L3MBTL4: variants seen among roughly 807,000 people sequenced by gnomAD.
L3MBTL4 encodes the protein L3MBTL histone methyl-lysine binding protein 4.
A neutral mutation model predicts 84.5 loss-of-function variants in L3MBTL4; 70 were observed. That is an observed-to-expected ratio of 0.83 (90% CI 0.68 to 1.01). The LOEUF (loss-of-function observed/expected upper bound fraction) is 1.01, where lower values mean the gene tolerates loss of function less well. Among genes scored for constraint, L3MBTL4 ranks in the 50% least tolerant of loss-of-function variants. The probability of loss-of-function intolerance (pLI) is 0.00; values close to 1 mark genes in which losing one functional copy is unlikely to be tolerated. For missense variants in L3MBTL4, 715 were observed against 754.8 expected (o/e 0.95, Z 0.62); for synonymous variants, 274 against 259.8 (o/e 1.05, Z -0.52).
intron 1 of L3MBTL4, among the ~76,000 whole-genome samples, chr18:6,412,192 GTGTGCTTATCATTT>G (rs1440348846): frequency 6.6e-6 from 1 of 151,912 alleles, no homozygotes; most frequent in African/African-American, 2.4e-5. Flanking sequence ...ATGTGTCCAT[GTGTGCTTATCATTT>G]TGTTCCCACT....
intron 5 of L3MBTL4, among the ~76,000 whole-genome samples, chr18:6,247,959 A>G (rs2047752352): frequency 6.6e-6 from 1 of 152,076 alleles, no homozygotes; most frequent in Admixed American, 6.5e-5. Flanking sequence ...GGTAGTTTTG[A>G]TCATTCAATC....
chr18:6,263,822 A>C (rs1025284962), intron 5 of L3MBTL4, 125 bp downstream of exon 5: 7 of 771,256 alleles, frequency 9.1e-6, no homozygotes, highest in Non-Finnish European at 1.6e-5. Flanking sequence ...TTGTGGGGTC[A>C]TTTTCCAGCA....
chr18:6,164,467 T>C (rs2145074931), intron 13 of L3MBTL4, among the ~76,000 whole-genome samples: 1 of 152,282 alleles, frequency 6.6e-6, no homozygotes, highest in South Asian at 2.1e-4. Flanking sequence ...GGCTGGGTAC[T>C]CCTCTAAGAC....
intron 16 of L3MBTL4, among the ~76,000 whole-genome samples, chr18:6,059,995 C>A (rs1485141495): frequency 2.0e-5 from 3 of 152,144 alleles, no homozygotes; most frequent in African/African-American, 7.2e-5. Context: ...TAATTGACAT[C>A]TAAAGAAAGT....
At chr18:5,998,087 A>C (rs769963762) in intron 16 of L3MBTL4, among the ~76,000 whole-genome samples, 3 of 152,190 alleles carry the variant, frequency 2.0e-5, no homozygotes, top group Non-Finnish European at 4.4e-5. Context: ...GTGGTTTTTC[A>C]TGGTGCTTCC....
At chr18:6,301,803 T>G in intron 4 of L3MBTL4, 100 bp downstream of exon 4, 1 of 868,018 alleles carries the variant, frequency 1.2e-6, no homozygotes, top group South Asian at 1.3e-5. Context: ...TATTATCACA[T>G]ATTTTAATTA....
intron 1 of L3MBTL4, among the ~76,000 whole-genome samples, chr18:6,321,036 G>T (rs1410714809): frequency 6.6e-6 from 1 of 152,036 alleles, no homozygotes; most frequent in African/African-American, 2.4e-5. Context: ...ACATGTAGAA[G>T]AATGAAACAG....
At chr18:5,960,039 C>CATAGATAT in intron 18 of L3MBTL4, 55 bp downstream of exon 18, 1 of 299,958 alleles carries the variant, frequency 3.3e-6, no homozygotes, top group Non-Finnish European at 5.5e-6. Flanking sequence ...TATATATATA[C>CATAGATAT]ACACACATAT....
Position 6,330,428 on chromosome 18 carries a change from C to G in L3MBTL4, c.-90-18372G>C, listed in dbSNP as rs557694550. On this transcript the variant is annotated intron_variant, in intron 1 of 18. Transcript: ENST00000317931. ...CAGAGGCTTCCAGCATTCCTTGGCT[C>G]GTGACCCCTTCCTCCATCTTCAAAG... is the stretch of plus-strand genomic sequence containing the variant. Among the ~76,000 whole-genome samples the G allele has an allele frequency of 4.6e-5, 7 of 152,364 alleles. No homozygotes were observed. In the East Asian group the frequency reaches 1.3e-3, roughly 29 times the overall value.
chr18:6,190,415 T>C (rs1322442304), intron 12 of L3MBTL4, among the ~76,000 whole-genome samples: 1 of 152,204 alleles, frequency 6.6e-6, no homozygotes, highest in African/African-American at 2.4e-5. Flanking sequence ...ATTGTGTATG[T>C]AACTATACGT....
Position 5,959,817 on chromosome 18 carries a change from T to C in L3MBTL4, c.1677+277A>G, listed in dbSNP as rs375510901. ...AGCATGCTGTATGCACCAAGCACCA[T>C]GGCATTCTGCAACAAAACCTAGCAA... On this transcript the variant is annotated intron_variant, in intron 18 of 18. Coordinates refer to ENST00000317931, the MANE Select transcript of L3MBTL4 (RefSeq NM_001330559.2). 8.7e-4 allele frequency among the ~76,000 whole-genome samples: 133 copies of C among 152,120 alleles called. 3 individuals are homozygous for C. In the East Asian group the frequency reaches 0.022, roughly 26 times the overall value.
At chr18:6,366,494 A>T (rs557320143) in intron 1 of L3MBTL4, among the ~76,000 whole-genome samples, 1 of 152,248 alleles carries the variant, frequency 6.6e-6, no homozygotes, top group South Asian at 2.1e-4. Flanking sequence ...TTTTTAAATA[A>T]TGATATTATC....
intron 1 of L3MBTL4, among the ~76,000 whole-genome samples, chr18:6,377,768 C>T (rs937489556): frequency 1.4e-4 from 22 of 152,156 alleles, no homozygotes; most frequent in Non-Finnish European, 1.9e-4. Context: ...TTGTGAATAG[C>T]GCCACAATAA....
chr18:6,156,390 T>G (rs1277544603), intron 13 of L3MBTL4, among the ~76,000 whole-genome samples: 1 of 148,304 alleles, frequency 6.7e-6, no homozygotes, highest in African/African-American at 2.6e-5. Context: ...ACAACAACAA[T>G]GAGATGATAA....
At chr18:6,343,077 A>C (rs2052689695) in intron 1 of L3MBTL4, among the ~76,000 whole-genome samples, 1 of 152,220 alleles carries the variant, frequency 6.6e-6, no homozygotes, top group Non-Finnish European at 1.5e-5. Context: ...GCAAATAAAC[A>C]TATAAAGCAA....
intron 16 of L3MBTL4, chr18:6,025,084 A>G (rs1371747050): frequency 6.6e-6 from 1 of 152,178 alleles, no homozygotes; most frequent in Non-Finnish European, 1.5e-5. Context: ...ATCTCTCCAA[A>G]TTCCTCAGTA....
intron 13 of L3MBTL4, among the ~76,000 whole-genome samples, chr18:6,151,188 G>T (rs1026298483): frequency 6.6e-6 from 1 of 152,148 alleles, no homozygotes; most frequent in Non-Finnish European, 1.5e-5. Context: ...TCCCCATTCA[G>T]GTTGTGAACC....
chr18:5,993,783 A>G (rs574824741), intron 16 of L3MBTL4, among the ~76,000 whole-genome samples: 18 of 152,342 alleles, frequency 1.2e-4, no homozygotes, highest in East Asian at 3.9e-4. Context: ...ATTTCCTACA[A>G]GGACACAATG....
chr18:6,263,927 T>G lies in L3MBTL4; in HGVS notation c.219+20A>C. On this transcript the variant is annotated intron_variant, in intron 5 of 18. Coordinates refer to ENST00000317931, the MANE Select transcript of L3MBTL4 (RefSeq NM_001330559.2). ...TAAGTGTTGCTTCCTTGCAAAAATATAAGTCCTTCAGTGGCTGACCTTGGA... is the reference window on the plus strand; with the variant it reads ...TAAGTGTTGCTTCCTTGCAAAAATAGAAGTCCTTCAGTGGCTGACCTTGGA... 6.4e-7 allele frequency: 1 copy of G among 1,573,748 alleles called. No homozygotes were observed. The highest frequency in any genetic ancestry group is 8.7e-7 in the Non-Finnish European group (1 of 1,143,072).
Sources: gnomAD v4.1 joint callset for allele counts (sites outside exome capture counted in the v4.1 genomes callset) on GRCh38, gnomAD v4.1.1 for gene constraint, MANE v1.5 for transcripts, NCBI Gene and HGNC (gene_info 2026-07-23, HGNC 2026-07-21) for gene names.